CAPN8: variants seen among roughly 807,000 people sequenced by gnomAD.
The protein encoded by CAPN8 is calpain 8.
Under a neutral mutation model 80.9 loss-of-function variants are expected in CAPN8, and 87 were observed. The observed-to-expected ratio is 1.07, with a 90% CI of 0.90 to 1.28. The LOEUF is 1.28. CAPN8 is among the 50% of genes most tolerant of loss of function. The probability of loss-of-function intolerance (pLI) is 0.00; values close to 1 mark genes in which losing one functional copy is unlikely to be tolerated. For missense variants in CAPN8, 757 were observed against 702.0 expected (o/e 1.08, Z -0.89); for synonymous variants, 299 against 273.8 (o/e 1.09, Z -0.91).
At chr1:223,657,574 C>A (rs61822582) in intron 1 of CAPN8, among the ~76,000 whole-genome samples, 16,483 of 152,102 alleles carry the variant, frequency 0.11, 1,167 homozygotes, top group South Asian at 0.16. Context: ...CAAGACCAAC[C>A]TGACCAACAG....
chr1:223,620,076 A>C, intron 8 of CAPN8, 116 bp downstream of exon 8: 1 of 841,260 alleles, frequency 1.2e-6, no homozygotes, highest in Non-Finnish European at 1.9e-6. Flanking sequence ...GAATGAATTC[A>C]CCATGATCAG....
intron 2 of CAPN8, among the ~76,000 whole-genome samples, chr1:223,643,897 T>G (rs887063875): frequency 6.6e-6 from 1 of 152,182 alleles, no homozygotes; most frequent in Admixed American, 6.5e-5. Flanking sequence ...GCGCGTACAG[T>G]ACTGGCCAGC....
intron 2 of CAPN8, among the ~76,000 whole-genome samples, chr1:223,632,749 C>A (rs974854429): frequency 1.3e-5 from 2 of 152,226 alleles, no homozygotes; most frequent in African/African-American, 4.8e-5. Flanking sequence ...CAGACAAAAA[C>A]ACTGGGAAAT....
At position 223,544,134 on chromosome 1, in the gene CAPN8, C is replaced by G; in HGVS notation, c.1962G>C (p.Ala654=). The change falls in exon 19 of 21, where the codon GCG becomes GCC. Residue 654 remains alanine (A), a synonymous_variant. Transcript: ENST00000366872. ...CAAAGTTGATGCCAAGCTTGCTGCA[C>G]GCATACCGCAGGGCAATGGTCTGCT... ...QVQQTIALRY[A]CSKLGINFDS... 1 of 718,322 alleles carries G rather than the reference C, an allele frequency of 1.4e-6. No homozygotes were observed. Among genetic ancestry groups the G allele is most frequent in the Non-Finnish European group, 2.6e-6 (1 of 385,104 alleles). The allele number at this position is 718,322 out of a possible 1,614,324, so 44.5% of individuals were successfully genotyped here.
intron 1 of CAPN8, among the ~76,000 whole-genome samples, chr1:223,661,651 T>C (rs1202132929): frequency 2.0e-5 from 3 of 151,394 alleles, no homozygotes; most frequent in African/African-American, 7.3e-5. Context: ...AGAAAAAAAA[T>C]GAAAGAAAAT....
chr1:223,626,752 C>A (rs888203178), intron 5 of CAPN8, among the ~76,000 whole-genome samples: 1 of 152,146 alleles, frequency 6.6e-6, no homozygotes, highest in African/African-American at 2.4e-5. Flanking sequence ...GCTCTAACAA[C>A]GAGAGGGAAA....
chr1:223,631,296 T>C (rs1657766777), intron 2 of CAPN8, among the ~76,000 whole-genome samples: 1 of 152,184 alleles, frequency 6.6e-6, no homozygotes, highest in South Asian at 2.1e-4. Flanking sequence ...TACGCTTCTC[T>C]TGCAGAGTTA....
chr1:223,544,390 C>G (rs1380578211), intron 18 of CAPN8: 1 of 589,722 alleles, frequency 1.7e-6, no homozygotes, highest in Non-Finnish European at 3.0e-6. Context: ...CCAAGATCAG[C>G]CTAATTCCAG....
At chr1:223,656,406 G>A (rs913006323) in intron 1 of CAPN8, among the ~76,000 whole-genome samples, 3 of 152,006 alleles carry the variant, frequency 2.0e-5, no homozygotes, top group African/African-American at 7.2e-5. Context: ...GTTGCAGTAA[G>A]CCAAGATCAC....
intron 2 of CAPN8, chr1:223,628,983 A>G: frequency 1.8e-6 from 1 of 561,224 alleles, no homozygotes; most frequent in Non-Finnish European, 3.2e-6. Flanking sequence ...TCGGGAGTGG[A>G]TCCTCTGCTC....
chr1:223,654,451 GC>G, intron 1 of CAPN8, 52 bp from the exon 2 acceptor site: 1 of 1,488,154 alleles, frequency 6.7e-7, no homozygotes, highest in Non-Finnish European at 9.2e-7. Context: ...AGTGATGGCA[GC>G]AGCCTGGGGA....
At chr1:223,545,157 T>C (rs1204869812) in intron 17 of CAPN8, 74 bp downstream of exon 17, 1 of 1,549,768 alleles carries the variant, frequency 6.5e-7, no homozygotes, top group Non-Finnish European at 8.7e-7. Flanking sequence ...GTGGTCAGAA[T>C]ACAATGGACC....
intron 3 of CAPN8, among the ~76,000 whole-genome samples, 167 bp from the exon 4 acceptor site, chr1:223,628,309 G>A (rs1657661053): frequency 6.6e-6 from 1 of 152,222 alleles, no homozygotes; most frequent in Admixed American, 6.5e-5. Flanking sequence ...GATGCCAGAT[G>A]AACCCGGGAA....
chr1:223,545,320 C>A (rs1352317933), intron 16 of CAPN8, 21 bp from the exon 17 acceptor site: 1 of 1,551,506 alleles, frequency 6.4e-7, no homozygotes, highest in Non-Finnish European at 8.7e-7. Context: ...TAAAGACCAA[C>A]ATGATTGAGT....
chr1:223,624,861 G>T (rs980384349), intron 6 of CAPN8, among the ~76,000 whole-genome samples: 1 of 152,144 alleles, frequency 6.6e-6, no homozygotes, highest in African/African-American at 2.4e-5. Flanking sequence ...TTGGGAGGTC[G>T]AGGCGGGCAG....
chr1:223,553,085 G>A (rs1656831677), intron 14 of CAPN8, among the ~76,000 whole-genome samples: 1 of 137,836 alleles, frequency 7.3e-6, no homozygotes, highest in Admixed American at 7.1e-5. Context: ...TTCCCGGGGT[G>A]GTGGGGGGAG....
chr1:223,548,281 C>A (rs576998618), intron 16 of CAPN8, among the ~76,000 whole-genome samples: 27 of 152,258 alleles, frequency 1.8e-4, no homozygotes, highest in African/African-American at 6.5e-4. Flanking sequence ...GCAACCTGGA[C>A]CCACTGTGGG....
At chr1:223,634,188 G>T (rs936548591) in intron 2 of CAPN8, among the ~76,000 whole-genome samples, 2 of 152,190 alleles carry the variant, frequency 1.3e-5, no homozygotes, top group African/African-American at 4.8e-5. Flanking sequence ...GAAAAAGTCA[G>T]CTCAATCCTA....
At chr1:223,631,987 A>G (rs1017796006) in intron 2 of CAPN8, among the ~76,000 whole-genome samples, 5 of 149,634 alleles carry the variant, frequency 3.3e-5, no homozygotes, top group African/African-American at 1.2e-4. Context: ...CACCCAGAGC[A>G]CTCCCTAGAT....
Sources: allele counts gnomAD v4.1 joint callset (sites outside exome capture counted in the v4.1 genomes callset), GRCh38; gene constraint gnomAD v4.1.1; transcripts MANE v1.5; gene names NCBI Gene and HGNC (gene_info 2026-07-23, HGNC 2026-07-21).